Variants in GAL3ST4 observed in about 807,000 individuals in gnomAD.
GAL3ST4 encodes galactose-3-O-sulfotransferase 4.
Under a neutral mutation model 31.6 loss-of-function variants are expected in GAL3ST4, and 30 were observed. That is an observed-to-expected ratio of 0.95 (90% CI 0.71 to 1.29). The LOEUF (loss-of-function observed/expected upper bound fraction) is 1.29. GAL3ST4 is among the 50% of genes most tolerant of loss of function. The probability of loss-of-function intolerance (pLI) is 0.00; values close to 1 mark genes in which losing one functional copy is unlikely to be tolerated. For synonymous variants in GAL3ST4, 248 were observed against 256.9 expected, an observed-to-expected ratio of 0.97 and a Z score of 0.33; for missense variants, 629 against 625.2, an observed-to-expected ratio of 1.01 and a Z score of -0.06.
Position 100,160,521 on chromosome 7 carries a change from C to T in GAL3ST4, c.868G>A (p.Gly290Ser). 6.2e-7 allele frequency: 1 copy of T among 1,613,984 alleles called. No individual in the cohort carries two copies. Among genetic ancestry groups the T allele is most frequent in the Non-Finnish European group, 8.5e-7 (1 of 1,180,042 alleles). Reference protein sequence around the residue: ...DLGSSSFIQWGLAWLDSVFDL... With the variant: ...DLGSSSFIQWSLAWLDSVFDL... The stretch of plus-strand genomic sequence containing the variant: ...AAGACAGAGTCCAGCCATGCCAGAC[C>T]CCACTGGATGAAGGATGAAGACCCC... Residue 290 changes from glycine (G) to serine (S), a missense_variant, in exon 4 of 4, where the codon GGT becomes AGT. Coordinates refer to ENST00000360039, the MANE Select transcript of GAL3ST4 (RefSeq NM_024637.5).
rs758748766 is a variant in GAL3ST4, at chr7:100,167,267, T to C, written c.-172A>G. 2.1e-5 allele frequency: 31 copies of C among 1,454,572 alleles called. No homozygotes were observed. Among genetic ancestry groups the C allele is most frequent in the Non-Finnish European group, 2.8e-5 (31 of 1,100,186 alleles). 90.1% of individuals were successfully genotyped at this position (1,454,572 alleles called of 1,614,324 possible). ...AGTCTGCCCCCTGAGTTAGCAGATT[T>C]TTGCCTCTGTCAGCGTCTAGAAGGG... On this transcript the variant is annotated 5_prime_UTR_variant, in exon 2 of 4. Transcript: ENST00000360039.
At chr7:100,165,296 G>A (rs565706558) in intron 3 of GAL3ST4, among the ~76,000 whole-genome samples, 37 of 152,026 alleles carry the variant, frequency 2.4e-4, no homozygotes, top group Non-Finnish European at 4.0e-4. Context: ...TCAGCCTCCC[G>A]AGTAGCTGGG....
chr7:100,165,322 C>T (rs554476150), intron 3 of GAL3ST4, among the ~76,000 whole-genome samples: 1 of 152,302 alleles, frequency 6.6e-6, no homozygotes, highest in African/African-American at 2.4e-5. Flanking sequence ...AGGCGTGTGC[C>T]ACCACGCCTG....
chr7:100,164,028 C>T (rs1269071867), intron 3 of GAL3ST4, among the ~76,000 whole-genome samples: 3 of 152,186 alleles, frequency 2.0e-5, no homozygotes, highest in African/African-American at 7.2e-5. Context: ...GTGCAAGTGT[C>T]TGGAACATGG....
At position 100,160,258 on chromosome 7, in the gene GAL3ST4, G is replaced by A; in HGVS notation, c.1131C>T (p.Leu377=). ...GGCCGTATTTCTCTATCCGTGCCCA[G>A]AGACTGCGGTTGAAGTGGACATAGA... The part of the protein sequence containing the change: ...WALYVHFNRS[L]WARIEKYGQG... Residue 377 remains leucine, a synonymous_variant, in exon 4 of 4, where the codon CTC becomes CTT. Transcript: ENST00000360039. The A allele has an allele frequency of 6.2e-7, 1 of 1,614,090 alleles. No individual in the cohort carries two copies. Among genetic ancestry groups the A allele is most frequent in the East Asian group, 2.2e-5 (1 of 44,880 alleles).
Position 100,160,872 on chromosome 7 carries a change from T to C in GAL3ST4, c.517A>G (p.Lys173Glu), listed in dbSNP as rs1798993111. 6.2e-7 allele frequency: 1 copy of C among 1,614,056 alleles called. No homozygotes were observed. The highest frequency in any genetic ancestry group is 1.7e-5 in the Admixed American group (1 of 60,014). The change falls in exon 4 of 4, where the codon AAA (lysine) becomes GAA (glutamate). Residue 173 changes from lysine to glutamate, a missense_variant. By Grantham distance (56) the Lys-to-Glu change is moderately conservative (BLOSUM62 1). Coordinates refer to ENST00000360039, the MANE Select transcript of GAL3ST4 (RefSeq NM_024637.5). Reference sequence around the variant, plus strand: ...TTGCGGAAGGCTGATGAGGTGGATTTATAGTAGGAGAAGGCAGAGCGAGCC... The same window carrying C: ...TTGCGGAAGGCTGATGAGGTGGATTCATAGTAGGAGAAGGCAGAGCGAGCC... ...ALARSAFSYY[K>E]STSSAFRKSP... is the part of the protein sequence containing the mutation.
At position 100,167,133 on chromosome 7, in the gene GAL3ST4, C is replaced by A; in HGVS notation, c.-38G>T. The A allele has an allele frequency of 6.4e-7, 1 of 1,551,988 alleles. No homozygotes were observed. On this transcript the variant is annotated 5_prime_UTR_variant, in exon 2 of 4. Transcript: ENST00000360039. ...AGGGTGAGGTGACAGAGAGATGGAG[C>A]CAGGGCCAGGAAGAGGGGCAGAGAC...
rs1799122420 is a variant in GAL3ST4 at position 100,168,519 on chromosome 7, C to T, written c.-189+27G>A. ...AAATTAGAGGGTCCCTCCACTGGTC[C>T]TATCCTTGGTTTCACTTCCCACTCA... On this transcript the variant is annotated intron_variant, in intron 1 of 3. Transcript: ENST00000360039. This position sits in a 1 kb window ranked among gnomAD's most constrained non-coding sequence, Gnocchi z 4.1. 6.6e-6 allele frequency: 1 copy of T among 152,340 alleles called. No individual in the cohort carries two copies. The highest frequency in any genetic ancestry group is 1.5e-5 in the Non-Finnish European group (1 of 68,130). The allele number at this position is 152,340 out of a possible 1,614,324, so 9.4% of individuals were successfully genotyped here. A position where few individuals can be genotyped will look rare whatever the true frequency, so the allele number is the denominator to read the frequency against.
Position 100,167,221 on chromosome 7 carries a change from G to A in GAL3ST4, c.-126C>T. ...TGGAGATCGGGGGGTCATTCCCCAG[G>A]CCTGCTCACAGTCTTGGTTGAGTCT... On this transcript the variant is annotated 5_prime_UTR_variant, in exon 2 of 4. Coordinates refer to ENST00000360039, the MANE Select transcript of GAL3ST4 (RefSeq NM_024637.5). The A allele has an allele frequency of 6.5e-7, 1 of 1,532,836 alleles. No individual in the cohort carries two copies. 95.0% of individuals were successfully genotyped at this position (1,532,836 alleles called of 1,614,324 possible).
intron 3 of GAL3ST4, among the ~76,000 whole-genome samples, chr7:100,162,529 A>G (rs1395069358): frequency 6.9e-6 from 1 of 144,546 alleles, no homozygotes; most frequent in Non-Finnish European, 1.5e-5. Flanking sequence ...TGGGCAGCAA[A>G]GTGAGACTCT....
At position 100,166,650 on chromosome 7, in the gene GAL3ST4, C is replaced by G; in HGVS notation, c.281G>C (p.Gly94Ala). 4 of 1,614,222 alleles carry G rather than the reference C, an allele frequency of 2.5e-6. No individual in the cohort carries two copies. The highest frequency in any genetic ancestry group is 3.4e-6 in the Non-Finnish European group (4 of 1,180,040). The change falls in exon 3 of 4, where the codon GGG becomes GCG. Residue 94 changes from glycine (G) to alanine (A), a missense_variant. Physicochemically the swap from Gly to Ala is moderately conservative, Grantham distance 60 (BLOSUM62 0). Transcript: ENST00000360039. ...SLLHRYGDQH[G>A]LRFALPARYQ... ...GCGGGCAGGGAGGGCGAAGCGCAGC[C>G]CGTGCTGGTCCCCATAGCGGTGAAG...
In GAL3ST4 at chr7:100,168,522, T is replaced by C. The variant is rs1799122490; in HGVS notation, c.-189+24A>G. The C allele has an allele frequency of 6.6e-6, 1 of 152,250 alleles. No homozygotes were observed. Among genetic ancestry groups the C allele is most frequent in the Non-Finnish European group, 1.5e-5 (1 of 68,098 alleles). The allele number at this position is 152,250 out of a possible 1,614,324, so 9.4% of individuals were successfully genotyped here. On this transcript the variant is annotated intron_variant, in intron 1 of 3. Coordinates refer to ENST00000360039, the MANE Select transcript of GAL3ST4 (RefSeq NM_024637.5). The surrounding 1 kb of genome is among the most constrained non-coding windows in gnomAD (Gnocchi z 4.1). ...TTAGAGGGTCCCTCCACTGGTCCTA[T>C]CCTTGGTTTCACTTCCCACTCACCA...
rs1446183003 is a variant in GAL3ST4 at position 100,160,342 on chromosome 7, A to G, written c.1047T>C (p.Thr349=). The G allele has an allele frequency of 6.2e-7, 1 of 1,613,966 alleles. No individual in the cohort carries two copies. The part of the protein sequence containing the change: ...GLSTVSNSGL[T]AEDRQLTARA... ...GTGCAGTCAGCTGCCGGTCCTCCGC[A>G]GTCAGTCCACTGTTGCTGACAGTGC... The change falls in exon 4 of 4, where the codon ACT becomes ACC. Residue 349 remains threonine, a synonymous_variant. Transcript: ENST00000360039.
rs1798955773 is a variant in GAL3ST4 at position 100,159,298 on chromosome 7, C to CTAGTAGCAAATATTTCA, written c.*613_*629dup. 1 of 152,420 alleles carries CTAGTAGCAAATATTTCA rather than the reference C, an allele frequency of 6.6e-6. No homozygotes were observed. The highest frequency in any genetic ancestry group is 2.4e-5 in the African/African-American group (1 of 41,436). The allele number at this position is 152,420 out of a possible 1,614,324, so 9.4% of individuals were successfully genotyped here. A position where few individuals can be genotyped will look rare whatever the true frequency, so the allele number is the denominator to read the frequency against. On this transcript the variant is annotated 3_prime_UTR_variant, in exon 4 of 4. Transcript: ENST00000360039. ...AACATGTCAGAGAGAAATGAACAGT[C>CTAGTAGCAAATATTTCA]TAGTAGCAAATATTTCATAGAGAAA...
chr7:100,166,129 A>C (rs1053836950), intron 3 of GAL3ST4, among the ~76,000 whole-genome samples: 2 of 152,296 alleles, frequency 1.3e-5, no homozygotes, highest in East Asian at 3.9e-4. Flanking sequence ...GTGCCACTGC[A>C]CTCCAGCCTG....
intron 3 of GAL3ST4, 25 bp downstream of exon 3, chr7:100,166,477 C>T (rs1285311958): frequency 2.5e-6 from 4 of 1,588,282 alleles, no homozygotes; most frequent in South Asian, 1.2e-5. Flanking sequence ...TTTCTGGTCC[C>T]TCCCACCACT....
In GAL3ST4 at chr7:100,166,682, C is replaced by A; in HGVS notation, c.249G>T (p.Leu83=). Residue 83 remains leucine (L), a synonymous_variant, in exon 3 of 4, where the codon CTG becomes CTT. Transcript: ENST00000360039. ...GGTCCCCATAGCGGTGAAGCAGGCTCAGCACAGAGCTGCTCCCGGATTTAT... is the reference window on the plus strand; with the variant it reads ...GGTCCCCATAGCGGTGAAGCAGGCTAAGCACAGAGCTGCTCCCGGATTTAT... The part of the protein sequence containing the change: ...KTHKSGSSSV[L]SLLHRYGDQH... 6.2e-7 allele frequency: 1 copy of A among 1,614,214 alleles called. No homozygotes were observed. Among genetic ancestry groups the A allele is most frequent in the Non-Finnish European group, 8.5e-7 (1 of 1,180,028 alleles).
In GAL3ST4 at chr7:100,167,179, CT is replaced by C; in HGVS notation, c.-85del. Reference sequence around the variant, plus strand: ...GAGACAGCTGGAGACAGCCGTGCAGCTGCGGAAGGCACTGGTTGGAGATCGG... The same window carrying C: ...GAGACAGCTGGAGACAGCCGTGCAGCGCGGAAGGCACTGGTTGGAGATCGG... On this transcript the variant is annotated 5_prime_UTR_variant, in exon 2 of 4. Transcript: ENST00000360039. 6.5e-7 allele frequency: 1 copy of C among 1,550,098 alleles called. No homozygotes were observed.
In GAL3ST4 at chr7:100,160,273, G is replaced by A. The variant is rs1186644407; in HGVS notation, c.1116C>T (p.His372=). The change falls in exon 4 of 4, where the codon CAC becomes CAT. Residue 372 remains histidine, a synonymous_variant. Coordinates refer to ENST00000360039, the MANE Select transcript of GAL3ST4 (RefSeq NM_024637.5). ...TCCGTGCCCAGAGACTGCGGTTGAA[G>A]TGGACATAGAGAGCCCAGTCCAGGT... The part of the protein sequence containing the change: ...WNNLDWALYV[H]FNRSLWARIE... 2.5e-6 allele frequency: 4 copies of A among 1,614,070 alleles called. No homozygotes were observed. The South Asian group carries it at 4.4e-5, about 18-fold the overall frequency.
Sources: gnomAD v4.1 joint callset for allele counts (sites outside exome capture counted in the v4.1 genomes callset) on GRCh38, gnomAD v4.1.1 for gene constraint, Gnocchi (gnomAD v3.1) non-coding constraint, MANE v1.5 for transcripts, NCBI Gene and HGNC (gene_info 2026-07-23, HGNC 2026-07-21) for gene names.